The following NFIL3 variants were observed in gnomAD, a reference collection of about 807,000 sequenced individuals.
NFIL3 encodes the protein nuclear factor, interleukin 3 regulated, also known as nuclear factor interleukin-3-regulated protein.
Under a neutral mutation model 10.0 loss-of-function variants are expected in NFIL3, and 5 were observed. The ratio of observed to expected loss-of-function variants is 0.50; its 90% confidence interval spans 0.26 to 1.06. NFIL3 has a LOEUF of 1.06. NFIL3 is among the 50% of genes least tolerant of loss of function. The pLI is 0.13. For synonymous variants in NFIL3, 202 were observed against 206.5 expected (o/e 0.98, Z 0.19); for missense variants, 436 against 547.6 (o/e 0.80, Z 2.03).
At chr9:91,438,061 TTTAA>T in the NFIL3 span, among the ~76,000 whole-genome samples, 1 of 152,188 alleles carries the variant, frequency 6.6e-6, no homozygotes, top group Non-Finnish European at 1.5e-5. Flanking sequence ...TAGTCCTATT[TTTAA>T]TTTTTTTGGA....
intron 1 of NFIL3, among the ~76,000 whole-genome samples, chr9:91,420,009 G>A (rs1833729292): frequency 2.0e-5 from 3 of 152,172 alleles, no homozygotes; most frequent in Non-Finnish European, 4.4e-5. Flanking sequence ...AATCATCCAA[G>A]CTACAGAAAA....
At chr9:91,444,343 C>T in the NFIL3 span, among the ~76,000 whole-genome samples, 1 of 152,084 alleles carries the variant, frequency 6.6e-6, no homozygotes, top group Non-Finnish European at 1.5e-5. Context: ...TTCCTGATTT[C>T]ATTGAATTAT....
chr9:91,436,161 C>T, the NFIL3 span, among the ~76,000 whole-genome samples: 1 of 152,230 alleles, frequency 6.6e-6, no homozygotes, highest in Non-Finnish European at 1.5e-5. Flanking sequence ...ATGGCACACT[C>T]CTCCAATGCT....
the NFIL3 span, among the ~76,000 whole-genome samples, chr9:91,465,928 C>T: frequency 6.6e-6 from 1 of 151,908 alleles, no homozygotes; most frequent in Non-Finnish European, 1.5e-5. Context: ...TTAGCTGGAA[C>T]CCACTGTTAT....
chr9:91,445,286 C>T, the NFIL3 span, among the ~76,000 whole-genome samples: 2 of 152,130 alleles, frequency 1.3e-5, no homozygotes, highest in Non-Finnish European at 2.9e-5. Flanking sequence ...ACAGTAGTGA[C>T]TCTGGATTCT....
the NFIL3 span, among the ~76,000 whole-genome samples, chr9:91,479,393 G>A: frequency 5.9e-5 from 9 of 152,230 alleles, no homozygotes; most frequent in African/African-American, 2.2e-4. Flanking sequence ...GCTTTGCCGA[G>A]CTGCGGTGGG....
chr9:91,440,350 TAATATCTTC>T, the NFIL3 span, among the ~76,000 whole-genome samples: 46 of 152,184 alleles, frequency 3.0e-4, no homozygotes, highest in South Asian at 9.1e-3. Context: ...GGCATCCGTG[TAATATCTTC>T]AATATCATTT....
the NFIL3 span, among the ~76,000 whole-genome samples, chr9:91,459,500 C>A: frequency 7.9e-5 from 12 of 152,218 alleles, no homozygotes; most frequent in East Asian, 1.2e-3. Context: ...CATAGTGAGA[C>A]CCTGTCTCAA....
chr9:91,433,358 A>T, the NFIL3 span, among the ~76,000 whole-genome samples: 1 of 152,146 alleles, frequency 6.6e-6, no homozygotes, highest in East Asian at 1.9e-4. Context: ...CTGCCCTCTG[A>T]AGGTTATGGT....
chr9:91,471,687 C>T, the NFIL3 span, among the ~76,000 whole-genome samples: 1 of 152,038 alleles, frequency 6.6e-6, no homozygotes. Context: ...TTAATTGGAG[C>T]ATTTAACCCA....
At chr9:91,480,395 A>T in the NFIL3 span, among the ~76,000 whole-genome samples, 3 of 152,188 alleles carry the variant, frequency 2.0e-5, no homozygotes, top group African/African-American at 7.2e-5. Flanking sequence ...GAGCATAAAC[A>T]TGAAACATAG....
At chr9:91,413,528 G>C (rs1006459745) in intron 1 of NFIL3, among the ~76,000 whole-genome samples, 1 of 152,186 alleles carries the variant, frequency 6.6e-6, no homozygotes, top group Non-Finnish European at 1.5e-5. Context: ...TGGGATTACA[G>C]GCATGAGCCA....
At chr9:91,460,271 CT>C in the NFIL3 span, among the ~76,000 whole-genome samples, 1,112 of 70,406 alleles carry the variant, frequency 0.016, 21 homozygotes, top group African/African-American at 0.021. Flanking sequence ...GGGCTTGGTT[CT>C]TTTTTTTTTT....
At chr9:91,461,640 T>G in the NFIL3 span, among the ~76,000 whole-genome samples, 3 of 152,204 alleles carry the variant, frequency 2.0e-5, no homozygotes, top group African/African-American at 7.2e-5. Context: ...TGGCCGCGTC[T>G]CTCCAATCTC....
At chr9:91,433,388 A>G in the NFIL3 span, among the ~76,000 whole-genome samples, 1 of 152,330 alleles carries the variant, frequency 6.6e-6, no homozygotes, top group East Asian at 1.9e-4. Context: ...ATGAATGAGC[A>G]TTGCTGCAGT....
At chr9:91,434,743 G>A in the NFIL3 span, among the ~76,000 whole-genome samples, 239 of 152,096 alleles carry the variant, frequency 1.6e-3, 1 homozygote, top group African/African-American at 5.5e-3. Context: ...AATAGTAAAA[G>A]GATACGAATA....
chr9:91,477,665 T>C, the NFIL3 span, among the ~76,000 whole-genome samples: 4 of 152,088 alleles, frequency 2.6e-5, no homozygotes, highest in Admixed American at 2.6e-4. Flanking sequence ...TTCAAGCACG[T>C]AAAGAAACAG....
chr9:91,421,556 GC>G (rs1833768854), intron 1 of NFIL3, among the ~76,000 whole-genome samples: 2 of 148,956 alleles, frequency 1.3e-5, no homozygotes. Flanking sequence ...TACCAGACCC[GC>G]CCCCAGCCCC....
the NFIL3 span, among the ~76,000 whole-genome samples, chr9:91,479,260 C>T: frequency 1.3e-5 from 2 of 152,194 alleles, no homozygotes; most frequent in African/African-American, 4.8e-5. Flanking sequence ...CCCTTTCCCC[C>T]AGGTGCTCTG....
Sources: allele counts gnomAD v4.1 joint callset (sites outside exome capture counted in the v4.1 genomes callset), GRCh38; gene constraint gnomAD v4.1.1; transcripts MANE v1.5; gene names NCBI Gene and HGNC (gene_info 2026-07-23, HGNC 2026-07-21).